Variants in UBE3C observed in about 807,000 individuals in gnomAD.
UBE3C encodes the protein ubiquitin protein ligase E3C.
Under a neutral mutation model 129.4 loss-of-function variants are expected in UBE3C, and 42 were observed. That is an observed-to-expected ratio of 0.32 (90% CI 0.25 to 0.42). The LOEUF is 0.42. UBE3C is among the 10% of genes least tolerant of loss of function. The pLI, the probability that UBE3C is intolerant of heterozygous loss-of-function variation, is 1.00. For synonymous variants in UBE3C, 510 were observed against 492.4 expected, an observed-to-expected ratio of 1.04 and a Z score of -0.47; for missense variants, 1,049 against 1,319.1, an observed-to-expected ratio of 0.80 and a Z score of 3.17.
At chr7:157,139,379 G>T (rs1807358681) in intron 1 of UBE3C, 41 bp downstream of exon 1, 1 of 1,492,962 alleles carries the variant, frequency 6.7e-7, no homozygotes, top group Non-Finnish European at 9.0e-7. Flanking sequence ...CTCGGGGCCT[G>T]CGCGGCCGGG....
intron 1 of UBE3C, 28 bp from the exon 2 acceptor site, chr7:157,163,782 A>G: frequency 1.2e-6 from 2 of 1,603,926 alleles, no homozygotes; most frequent in South Asian, 1.1e-5. Context: ...TTATAACCTT[A>G]CCTCCTTTTT....
intron 22 of UBE3C, among the ~76,000 whole-genome samples, chr7:157,257,849 G>T (rs936959751): frequency 6.6e-6 from 1 of 150,918 alleles, no homozygotes; most frequent in Non-Finnish European, 1.5e-5. Flanking sequence ...GCACACAGTG[G>T]TATATATATT....
Position 157,183,975 on chromosome 7 carries a change from C to T in UBE3C, c.1089C>T (p.Asp363=), listed in dbSNP as rs1808739930. ...PVSPASASCH[D]SASDSEEESE... ...CTCCTGCCAGCGCGAGCTGTCACGA[C>T]TCAGCCAGTGACTCTGAGGAGGAGA... is the stretch of plus-strand genomic sequence containing the variant. The change falls in exon 9 of 23, where the codon GAC becomes GAT. Residue 363 remains aspartate, a synonymous_variant. Transcript: ENST00000348165. 3 of 1,614,106 alleles carry T rather than the reference C, an allele frequency of 1.9e-6. No individual in the cohort carries two copies. In the Admixed American group the frequency reaches 5.0e-5, roughly 27 times the overall value.
At chr7:157,217,750 T>C (rs1329414156) in intron 14 of UBE3C, among the ~76,000 whole-genome samples, 3 of 152,136 alleles carry the variant, frequency 2.0e-5, no homozygotes, top group Admixed American at 6.5e-5. Flanking sequence ...GGCAGGAGAA[T>C]CACTTGAACC....
At chr7:157,253,765 G>A (rs1027805642) in intron 19 of UBE3C, among the ~76,000 whole-genome samples, 189 bp from the exon 20 acceptor site, 2 of 152,134 alleles carry the variant, frequency 1.3e-5, no homozygotes, top group African/African-American at 4.8e-5. Context: ...GCTGGGCTTC[G>A]GAGACTCTTC....
At chr7:157,162,572 C>T (rs1260083311) in intron 1 of UBE3C, among the ~76,000 whole-genome samples, 2 of 147,246 alleles carry the variant, frequency 1.4e-5, no homozygotes, top group Non-Finnish European at 3.0e-5. Flanking sequence ...CAGGATCTTG[C>T]TTTGTCACTC....
At chr7:157,232,292 G>A (rs989417620) in intron 18 of UBE3C, among the ~76,000 whole-genome samples, 1 of 152,152 alleles carries the variant, frequency 6.6e-6, no homozygotes, top group African/African-American at 2.4e-5. Flanking sequence ...CTTTTGGGGG[G>A]ACACAGCTCT....
intron 1 of UBE3C, among the ~76,000 whole-genome samples, chr7:157,157,240 T>C (rs1807935411): frequency 6.6e-6 from 1 of 152,202 alleles, no homozygotes; most frequent in Non-Finnish European, 1.5e-5. Context: ...ATGCTGTGCA[T>C]ATAATCCTAA....
At chr7:157,213,425 T>G (rs1327862604) in intron 13 of UBE3C, among the ~76,000 whole-genome samples, 1 of 152,264 alleles carries the variant, frequency 6.6e-6, no homozygotes, top group Non-Finnish European at 1.5e-5. Flanking sequence ...CTTGTCTTAG[T>G]GCTCCAGGTG....
intron 18 of UBE3C, among the ~76,000 whole-genome samples, chr7:157,246,916 T>C (rs1273119698): frequency 2.6e-5 from 4 of 151,948 alleles, no homozygotes; most frequent in Non-Finnish European, 5.9e-5. Context: ...TGAGACGGAG[T>C]TTTTGCTCTT....
intron 21 of UBE3C, among the ~76,000 whole-genome samples, chr7:157,255,380 T>C (rs1796725725): frequency 6.6e-6 from 1 of 152,254 alleles, no homozygotes; most frequent in Non-Finnish European, 1.5e-5. Context: ...TGCAAAACTC[T>C]AAACTTACAA....
chr7:157,224,770 G>T (rs927010987), intron 16 of UBE3C, among the ~76,000 whole-genome samples: 1 of 111,650 alleles, frequency 9.0e-6, no homozygotes, highest in Non-Finnish European at 1.8e-5. Context: ...CTCCCTGCAC[G>T]TGCGTACACA....
chr7:157,212,130 A>G (rs1381892026), intron 13 of UBE3C, among the ~76,000 whole-genome samples: 1 of 152,182 alleles, frequency 6.6e-6, no homozygotes, highest in Non-Finnish European at 1.5e-5. Context: ...TGGAAATTGT[A>G]TGCTAAGTAT....
chr7:157,234,606 C>T (rs1006169885), intron 18 of UBE3C, among the ~76,000 whole-genome samples: 3 of 152,120 alleles, frequency 2.0e-5, no homozygotes, highest in South Asian at 2.1e-4. Flanking sequence ...AATGCATTGT[C>T]GTAGCCCCAG....
chr7:157,233,440 G>A (rs1419206503), intron 18 of UBE3C, among the ~76,000 whole-genome samples: 1 of 152,026 alleles, frequency 6.6e-6, no homozygotes, highest in African/African-American at 2.4e-5. Flanking sequence ...TACCACACCT[G>A]GCTAATTATT....
chr7:157,218,328 C>T (rs1795638308), intron 14 of UBE3C, among the ~76,000 whole-genome samples: 1 of 151,564 alleles, frequency 6.6e-6, no homozygotes, highest in Non-Finnish European at 1.5e-5. Flanking sequence ...GCCTATAGTC[C>T]CAGCTACTTG....
At chr7:157,208,356 G>A (rs186339981) in intron 13 of UBE3C, among the ~76,000 whole-genome samples, 9 of 152,116 alleles carry the variant, frequency 5.9e-5, no homozygotes, top group East Asian at 3.9e-4. Context: ...GATTATAGGC[G>A]TGAGCCACTG....
intron 10 of UBE3C, among the ~76,000 whole-genome samples, chr7:157,198,734 C>T (rs1244874339): frequency 6.6e-6 from 1 of 152,146 alleles, no homozygotes; most frequent in East Asian, 1.9e-4. Flanking sequence ...GGGGTTTCAC[C>T]ATGTTGACCA....
In UBE3C at chr7:157,248,450, A is replaced by T. The variant is rs1222469819; in HGVS notation, c.2564A>T (p.Asp855Val). ...TTGCTTGGAACCAGTGCCGACGTGG[A>T]CATTCACCACCTCGCCTCCCTAGAC... The part of the protein sequence containing the change: ...SKLLGTSADV[D>V]IHHLASLDPE... The change falls in exon 19 of 23, where the codon GAC becomes GTC. Residue 855 changes from aspartate to valine, a missense_variant. Around this residue, in one of 4 missense-constraint regions of UBE3C, gnomAD observed 243 missense variants for 368.7 expected, o/e 0.66. Transcript: ENST00000348165. 4 of 1,613,614 alleles carry T rather than the reference A, an allele frequency of 2.5e-6. No individual in the cohort carries two copies. The highest frequency in any genetic ancestry group is 3.4e-6 in the Non-Finnish European group (4 of 1,180,022).
Sources: gnomAD v4.1 joint callset for allele counts (sites outside exome capture counted in the v4.1 genomes callset) on GRCh38, gnomAD v4.1.1 for gene constraint, gnomAD v4.1.1 regional missense constraint, MANE v1.5 for transcripts, NCBI Gene and HGNC (gene_info 2026-07-23, HGNC 2026-07-21) for gene names.